SYN3: variants seen among roughly 807,000 people sequenced by gnomAD.
The protein encoded by SYN3 is synapsin-3.
A neutral mutation model predicts 65.8 loss-of-function variants in SYN3; 35 were observed. The observed-to-expected ratio is 0.53, with a 90% CI of 0.41 to 0.70. SYN3 has a LOEUF of 0.70. Among genes scored for constraint, SYN3 ranks in the 30% least tolerant of loss-of-function variants. SYN3 has a pLI of 0.00. For missense variants in SYN3, 680 were observed against 749.0 expected (o/e 0.91, Z 1.08); for synonymous variants, 270 against 292.9 (o/e 0.92, Z 0.80).
At chr22:32,822,169 A>G (rs1414438827) in intron 6 of SYN3, among the ~76,000 whole-genome samples, 1 of 151,566 alleles carries the variant, frequency 6.6e-6, no homozygotes, top group Non-Finnish European at 1.5e-5. Context: ...AAAAAAAAAA[A>G]AAAAAGAAGT....
At chr22:32,588,699 A>G (rs1211264973) in intron 7 of SYN3, among the ~76,000 whole-genome samples, 3 of 152,220 alleles carry the variant, frequency 2.0e-5, no homozygotes, top group Non-Finnish European at 4.4e-5. Context: ...ACACACAAAC[A>G]GTAAATAGTA....
intron 6 of SYN3, among the ~76,000 whole-genome samples, chr22:32,626,976 A>G (rs1340416378): frequency 6.6e-6 from 1 of 152,046 alleles, no homozygotes; most frequent in Admixed American, 6.5e-5. Context: ...GTCTCCCTGC[A>G]CCCCCAGCTT....
At chr22:32,703,638 T>TAAA (rs529566235) in intron 6 of SYN3, among the ~76,000 whole-genome samples, 1 of 135,324 alleles carries the variant, frequency 7.4e-6, no homozygotes. Context: ...CTCCATCGCT[T>TAAA]AAAAAAAAAA....
At chr22:32,909,929 C>T (rs529471819) in intron 4 of SYN3, among the ~76,000 whole-genome samples, 4 of 152,252 alleles carry the variant, frequency 2.6e-5, no homozygotes, top group Admixed American at 2.6e-4. Flanking sequence ...GACGCACATA[C>T]AAGCGGTGTG....
chr22:32,920,601 T>TA (rs1356106405), intron 4 of SYN3, among the ~76,000 whole-genome samples: 1 of 152,238 alleles, frequency 6.6e-6, no homozygotes, highest in African/African-American at 2.4e-5. Context: ...CTTGGCCATT[T>TA]ACAAAGCACT....
chr22:32,903,349 C>G (rs1045400051), intron 4 of SYN3, among the ~76,000 whole-genome samples: 1 of 152,156 alleles, frequency 6.6e-6, no homozygotes, highest in Admixed American at 6.5e-5. Flanking sequence ...TTGTTTTACA[C>G]ATTCGTTTTT....
At chr22:33,014,204 T>G (rs190521159) in intron 1 of SYN3, among the ~76,000 whole-genome samples, 345 of 152,156 alleles carry the variant, frequency 2.3e-3, no homozygotes, top group Non-Finnish European at 3.8e-3. Flanking sequence ...CATAAGCCAA[T>G]GGGTCCTAGC....
chr22:32,878,627 C>T (rs1310847163), intron 4 of SYN3, among the ~76,000 whole-genome samples: 2 of 152,242 alleles, frequency 1.3e-5, no homozygotes, highest in Non-Finnish European at 2.9e-5. Flanking sequence ...TTCTCACACA[C>T]ACTCTCTGTT....
chr22:32,688,556 C>T (rs1365354249), intron 6 of SYN3, among the ~76,000 whole-genome samples: 1 of 152,238 alleles, frequency 6.6e-6, no homozygotes, highest in East Asian at 1.9e-4. Context: ...CTTTCAATTA[C>T]AGGATTTCTG....
rs570187187 is a variant in SYN3, at chr22:32,522,774, C to T, written c.1319-4440G>A. 1.4e-3 allele frequency among the ~76,000 whole-genome samples: 218 copies of T among 152,226 alleles called. 1 individual carries two copies. Among genetic ancestry groups the T allele is most frequent in the Non-Finnish European group, 2.7e-3 (181 of 68,014 alleles). On this transcript the variant is annotated intron_variant, in intron 12 of 13. Transcript: ENST00000358763. ...GCATTTATCTCATGGACAAGCACCC[C>T]ATCCTTAAACATGGAAGCTGTTATT...
chr22:32,774,383 G>A (rs1321190505), intron 6 of SYN3, among the ~76,000 whole-genome samples: 1 of 152,078 alleles, frequency 6.6e-6, no homozygotes, highest in Non-Finnish European at 1.5e-5. Flanking sequence ...TGGAGGTAGA[G>A]GTTAAAACTG....
chr22:32,872,899 C>A (rs949795690), intron 4 of SYN3, among the ~76,000 whole-genome samples: 1 of 151,100 alleles, frequency 6.6e-6, no homozygotes, highest in Non-Finnish European at 1.5e-5. Flanking sequence ...AAGAAACTCA[C>A]AACCCAAGAG....
chr22:32,913,011 G>A (rs1163057481), intron 4 of SYN3, among the ~76,000 whole-genome samples: 1 of 152,166 alleles, frequency 6.6e-6, no homozygotes, highest in Non-Finnish European at 1.5e-5. Flanking sequence ...ATGGTGTGTA[G>A]ATGAGGTTCG....
intron 6 of SYN3, among the ~76,000 whole-genome samples, chr22:32,724,616 C>T (rs907574995): frequency 3.3e-5 from 5 of 152,166 alleles, no homozygotes; most frequent in Admixed American, 3.3e-4. Flanking sequence ...ATAGTAAGAG[C>T]TCAATAAAGT....
chr22:32,829,391 C>A (rs5998642), intron 6 of SYN3, among the ~76,000 whole-genome samples: 3,317 of 152,340 alleles, frequency 0.022, 121 homozygotes, highest in African/African-American at 0.075. Flanking sequence ...AGCTGGCTCC[C>A]AGTTGGCACT....
chr22:33,010,927 A>G (rs976464671), intron 1 of SYN3, among the ~76,000 whole-genome samples: 1 of 152,168 alleles, frequency 6.6e-6, no homozygotes, highest in East Asian at 1.9e-4. Flanking sequence ...TGCTAGTATA[A>G]TATTATTTTC....
intron 6 of SYN3, among the ~76,000 whole-genome samples, chr22:32,827,298 T>C (rs1485509099): frequency 6.6e-6 from 1 of 152,150 alleles, no homozygotes; most frequent in Non-Finnish European, 1.5e-5. Flanking sequence ...ATAGCAAAGC[T>C]CCCAGTTTAA....
chr22:32,747,598 G>C lies in SYN3; in HGVS notation c.711+117317C>G, dbSNP rs1274682248. ...GGAAAGTGAGGCTCAGAAGGAATAA[G>C]GAACCAACTAAAAATCATAAAGCCA... On this transcript the variant is annotated intron_variant, in intron 6 of 13. Transcript: ENST00000358763. 2.6e-5 allele frequency among the ~76,000 whole-genome samples: 4 copies of C among 152,270 alleles called. No individual in the cohort carries two copies. The East Asian group carries it at 7.7e-4, about 29-fold the overall frequency.
At chr22:32,878,033 AG>A (rs1409971025) in intron 4 of SYN3, among the ~76,000 whole-genome samples, 1 of 152,204 alleles carries the variant, frequency 6.6e-6, no homozygotes, top group Non-Finnish European at 1.5e-5. Flanking sequence ...CAAGAAACAA[AG>A]GCATAGAGAG....
Sources: allele counts gnomAD v4.1 joint callset (sites outside exome capture counted in the v4.1 genomes callset), GRCh38; gene constraint gnomAD v4.1.1; transcripts MANE v1.5; gene names NCBI Gene and HGNC (gene_info 2026-07-23, HGNC 2026-07-21).